Variants in GNAQ observed in about 807,000 individuals in gnomAD.
GNAQ encodes the protein G protein subunit alpha q.
A neutral mutation model predicts 43.9 loss-of-function variants in GNAQ; 8 were observed. The ratio of observed to expected loss-of-function variants is 0.18; its 90% CI spans 0.11 to 0.33. The LOEUF (loss-of-function observed/expected upper bound fraction) is 0.33, where lower values mean the gene tolerates loss of function less well. Among genes scored for constraint, GNAQ ranks in the 10% least tolerant of loss-of-function variants. The pLI, the probability that GNAQ is intolerant of heterozygous loss-of-function variation, is 1.00. For missense variants in GNAQ, 158 were observed against 450.8 expected, an observed-to-expected ratio of 0.35 and a Z score of 5.88; for synonymous variants, 155 against 170.7, an observed-to-expected ratio of 0.91 and a Z score of 0.71.
intron 2 of GNAQ, among the ~76,000 whole-genome samples, chr9:77,850,713 C>G (rs1310388338): frequency 6.6e-6 from 1 of 152,200 alleles, no homozygotes; most frequent in Non-Finnish European, 1.5e-5. Context: ...GCAAACCCAT[C>G]CAGATGTCCA....
chr9:77,951,166 C>T (rs553057380), intron 1 of GNAQ, among the ~76,000 whole-genome samples: 21 of 134,024 alleles, frequency 1.6e-4, no homozygotes, highest in Non-Finnish European at 2.8e-4. Flanking sequence ...GGCATAATCT[C>T]AGCTCACTGC....
chr9:77,933,540 G>A (rs953480621), intron 1 of GNAQ, among the ~76,000 whole-genome samples: 1 of 152,026 alleles, frequency 6.6e-6, no homozygotes, highest in Non-Finnish European at 1.5e-5. Flanking sequence ...AGACACTCGG[G>A]AGGCTGAGGT....
At chr9:77,820,268 C>T (rs895483160) in intron 2 of GNAQ, among the ~76,000 whole-genome samples, 4 of 152,104 alleles carry the variant, frequency 2.6e-5, no homozygotes, top group Admixed American at 6.6e-5. Context: ...GCAAATACTG[C>T]TTAGCATAAA....
intron 1 of GNAQ, among the ~76,000 whole-genome samples, chr9:77,960,101 T>C (rs4744855): frequency 0.41 from 62,211 of 151,994 alleles, 13,482 homozygotes; most frequent in Admixed American, 0.49. Context: ...AGTTTTGTTA[T>C]TAAGGGTAAG....
chr9:77,821,221 A>C (rs1317797984), intron 2 of GNAQ, among the ~76,000 whole-genome samples: 2 of 152,152 alleles, frequency 1.3e-5, no homozygotes, highest in Non-Finnish European at 2.9e-5. Context: ...ATAATCAATG[A>C]CTATAGTTAT....
chr9:77,752,164 T>TCAAA lies in GNAQ; in HGVS notation c.736-23501_736-23498dup, dbSNP rs1176178805. The stretch of plus-strand genomic sequence containing the variant: ...AGTATTTCTGTTTGCAGTTGAATTG[T>TCAAA]CAAACAGATAATAAAACAAAATAAA... On this transcript the variant is annotated intron_variant, in intron 5 of 6. Coordinates refer to ENST00000286548, the MANE Select transcript of GNAQ (RefSeq NM_002072.5). Among the ~76,000 whole-genome samples, 6 of 152,194 alleles carry TCAAA rather than the reference T, an allele frequency of 3.9e-5. No individual in the cohort carries two copies. In the South Asian group the frequency reaches 6.2e-4, roughly 16 times the overall value.
rs77287074 is a variant in GNAQ at position 77,922,467 on chromosome 9, T to C, written c.137-122A>G. 523 of 678,458 alleles carry C rather than the reference T, an allele frequency of 7.7e-4. 4 individuals carry two copies. The East Asian group carries it at 0.012, about 16-fold the overall frequency. The allele number at this position is 678,458 out of a possible 1,614,324, so 42.0% of individuals were successfully genotyped here. The stretch of plus-strand genomic sequence containing the variant: ...GATAGCCTGCTGAGAGGAGCGACTC[T>C]AGAATTGGAAACACTACCTATGGTG... On this transcript the variant is annotated intron_variant, in intron 1 of 6. Transcript: ENST00000286548.
intron 1 of GNAQ, among the ~76,000 whole-genome samples, chr9:78,019,325 T>C (rs1046670962): frequency 2.0e-4 from 30 of 152,320 alleles, no homozygotes; most frequent in African/African-American, 5.8e-4. Flanking sequence ...TGGTAACCCA[T>C]GGCAAAACAG....
In GNAQ at chr9:77,928,219, C is replaced by T. The variant is rs900876933; in HGVS notation, c.137-5874G>A. Among the ~76,000 whole-genome samples, 5 of 152,150 alleles carry T rather than the reference C, an allele frequency of 3.3e-5. No individual in the cohort carries two copies. The East Asian group carries it at 9.6e-4, about 29-fold the overall frequency. Reference sequence around the variant, plus strand: ...CATTTTCCTCTACTTAGATTAAAATCCTGCATTTGAAACACAGCAGCTCTA... The same window carrying T: ...CATTTTCCTCTACTTAGATTAAAATTCTGCATTTGAAACACAGCAGCTCTA... On this transcript the variant is annotated intron_variant, in intron 1 of 6. Coordinates refer to ENST00000286548, the MANE Select transcript of GNAQ (RefSeq NM_002072.5).
chr9:77,761,392 C>G (rs1332822884), intron 5 of GNAQ, among the ~76,000 whole-genome samples: 24 of 139,166 alleles, frequency 1.7e-4, no homozygotes, highest in Admixed American at 3.5e-4. Context: ...CCGGCCGCCC[C>G]TACTGGGAAG....
intron 1 of GNAQ, among the ~76,000 whole-genome samples, chr9:78,001,402 CA>C (rs563693855): frequency 5.5e-5 from 8 of 144,696 alleles, no homozygotes; most frequent in East Asian, 2.0e-4. Flanking sequence ...CACTCCATCT[CA>C]AAAAAAAAAG....
rs956583313 is a variant in GNAQ at position 77,940,287 on chromosome 9, A to G, written c.137-17942T>C. Among the ~76,000 whole-genome samples, 6 of 152,314 alleles carry G rather than the reference A, an allele frequency of 3.9e-5. No homozygotes were observed. In the South Asian group the frequency reaches 6.2e-4, roughly 16 times the overall value. On this transcript the variant is annotated intron_variant, in intron 1 of 6. Coordinates refer to ENST00000286548, the MANE Select transcript of GNAQ (RefSeq NM_002072.5). ...CTCCCATAACAAACAATCCTTTAAA[A>G]ATAGGACCTAGGTTGTGCACAGCGG...
At chr9:78,010,915 T>C (rs958577876) in intron 1 of GNAQ, among the ~76,000 whole-genome samples, 1 of 152,178 alleles carries the variant, frequency 6.6e-6, no homozygotes, top group African/African-American at 2.4e-5. Context: ...TCCTACCTAT[T>C]CTAGCCATGA....
intron 2 of GNAQ, among the ~76,000 whole-genome samples, chr9:77,845,374 C>A (rs553204305): frequency 2.4e-4 from 36 of 152,226 alleles, no homozygotes; most frequent in African/African-American, 8.7e-4. Flanking sequence ...TTTCATTATA[C>A]ACTTGAGATG....
chr9:77,836,934 G>A (rs1827397701), intron 2 of GNAQ, among the ~76,000 whole-genome samples: 1 of 152,166 alleles, frequency 6.6e-6, no homozygotes, highest in South Asian at 2.1e-4. Flanking sequence ...TTTCATGGCA[G>A]TGAGTAAAGA....
intron 1 of GNAQ, among the ~76,000 whole-genome samples, chr9:77,938,383 T>C (rs766658284): frequency 4.5e-4 from 69 of 152,292 alleles, no homozygotes; most frequent in Non-Finnish European, 2.9e-4. Flanking sequence ...TATGAGATGC[T>C]ATTGAAAAGT....
Position 77,857,258 on chromosome 9 carries a change from T to C in GNAQ, c.322-41488A>G, listed in dbSNP as rs182143756. Among the ~76,000 whole-genome samples, 44 of 152,352 alleles carry C rather than the reference T, an allele frequency of 2.9e-4. No homozygotes were observed. The East Asian group carries it at 8.1e-3, about 28-fold the overall frequency. Reference sequence around the variant, plus strand: ...CATTTCTTTACCAAACATGGATTACTCTGTTGTGAAATTCAATCACTTTCA... The same window carrying C: ...CATTTCTTTACCAAACATGGATTACCCTGTTGTGAAATTCAATCACTTTCA... On this transcript the variant is annotated intron_variant, in intron 2 of 6. Coordinates refer to ENST00000286548, the MANE Select transcript of GNAQ (RefSeq NM_002072.5).
At chr9:77,838,662 C>G (rs922063569) in intron 2 of GNAQ, among the ~76,000 whole-genome samples, 1 of 152,040 alleles carries the variant, frequency 6.6e-6, no homozygotes, top group Non-Finnish European at 1.5e-5. Flanking sequence ...AGGTGATCCA[C>G]CCACCTCGGC....
At chr9:77,923,698 G>A (rs933527989) in intron 1 of GNAQ, among the ~76,000 whole-genome samples, 13 of 151,944 alleles carry the variant, frequency 8.6e-5, no homozygotes, top group African/African-American at 2.9e-4. Flanking sequence ...CGGAATAATA[G>A]AATGAAACAC....
Sources: gnomAD v4.1 joint callset for allele counts (sites outside exome capture counted in the v4.1 genomes callset) on GRCh38, gnomAD v4.1.1 for gene constraint, MANE v1.5 for transcripts, NCBI Gene and HGNC (gene_info 2026-07-23, HGNC 2026-07-21) for gene names.